IMMP2L: variants seen among roughly 807,000 people sequenced by gnomAD.
IMMP2L encodes inner mitochondrial membrane peptidase subunit 2.
Under a neutral mutation model 19.3 loss-of-function variants are expected in IMMP2L, and 18 were observed. That is an observed-to-expected ratio of 0.93 (90% CI 0.64 to 1.38). The LOEUF (loss-of-function observed/expected upper bound fraction) is 1.38. IMMP2L is among the 40% of genes most tolerant of loss of function. The pLI, the probability that IMMP2L is intolerant of heterozygous loss-of-function variation, is 0.00. For missense variants in IMMP2L, 233 were observed against 218.2 expected (o/e 1.07, Z -0.43); for synonymous variants, 76 against 73.0 (o/e 1.04, Z -0.21).
intron 5 of IMMP2L, among the ~76,000 whole-genome samples, chr7:110,734,331 C>T (rs566816799): frequency 2.5e-4 from 38 of 152,276 alleles, no homozygotes; most frequent in African/African-American, 8.4e-4. Flanking sequence ...GGAGAAACAG[C>T]CATTCTTGTG....
At chr7:110,939,284 A>G (rs1406511747) in intron 4 of IMMP2L, among the ~76,000 whole-genome samples, 1 of 151,754 alleles carries the variant, frequency 6.6e-6, no homozygotes, top group Admixed American at 6.6e-5. Flanking sequence ...GGTGTTTCCA[A>G]TTAAGTTGTT....
chr7:110,943,825 G>A (rs529643997), intron 4 of IMMP2L, among the ~76,000 whole-genome samples: 6 of 152,080 alleles, frequency 3.9e-5, no homozygotes, highest in Non-Finnish European at 7.4e-5. Context: ...GCTATGCAGG[G>A]ACAATCCCTG....
chr7:110,846,366 T>TTGTTG (rs57345040), intron 5 of IMMP2L, among the ~76,000 whole-genome samples: 2 of 113,172 alleles, frequency 1.8e-5, no homozygotes, highest in African/African-American at 7.0e-5. Context: ...TTTTTTTTTT[T>TTGTTG]TTGTTGTTGT....
chr7:111,273,414 AAGG>A (rs1818688907), intron 3 of IMMP2L, among the ~76,000 whole-genome samples: 1 of 152,138 alleles, frequency 6.6e-6, no homozygotes, highest in Non-Finnish European at 1.5e-5. Context: ...TTGACATAAT[AAGG>A]AGGTTACCAT....
intron 3 of IMMP2L, among the ~76,000 whole-genome samples, chr7:111,253,558 G>A (rs1816376491): frequency 6.6e-6 from 1 of 152,176 alleles, no homozygotes; most frequent in South Asian, 2.1e-4. Context: ...AAAGTCTTGA[G>A]AGGGAGGCAA....
chr7:110,749,233 C>T (rs185595294), intron 5 of IMMP2L, among the ~76,000 whole-genome samples: 127 of 151,924 alleles, frequency 8.4e-4, no homozygotes, highest in Non-Finnish European at 1.5e-3. Context: ...AATCATTAAA[C>T]AGTCAGGAAC....
chr7:111,350,553 A>G (rs1828049604), intron 3 of IMMP2L, among the ~76,000 whole-genome samples: 1 of 152,026 alleles, frequency 6.6e-6, no homozygotes, highest in African/African-American at 2.4e-5. Flanking sequence ...TATAATAATT[A>G]TCTGCATTTT....
At chr7:110,925,952 C>T (rs893217395) in intron 4 of IMMP2L, among the ~76,000 whole-genome samples, 1 of 152,004 alleles carries the variant, frequency 6.6e-6, no homozygotes, top group Non-Finnish European at 1.5e-5. Context: ...ATCTTACTCA[C>T]TATATTCATA....
chr7:110,790,361 T>C (rs1175604503), intron 5 of IMMP2L, among the ~76,000 whole-genome samples: 3 of 151,732 alleles, frequency 2.0e-5, no homozygotes, highest in Non-Finnish European at 2.9e-5. Context: ...TTTGATGTGA[T>C]CTGAGTGGCA....
chr7:111,030,734 AC>A (rs1158425331), intron 3 of IMMP2L, among the ~76,000 whole-genome samples: 9 of 152,144 alleles, frequency 5.9e-5, no homozygotes, highest in Admixed American at 5.2e-4. Flanking sequence ...TATTTACTAT[AC>A]TTTAGAGCAA....
At chr7:110,668,885 G>C (rs1406966448) in intron 5 of IMMP2L, among the ~76,000 whole-genome samples, 1 of 151,746 alleles carries the variant, frequency 6.6e-6, no homozygotes, top group East Asian at 1.9e-4. Flanking sequence ...CTATAGGCAG[G>C]CAAAGAGTAT....
chr7:111,405,942 T>C (rs975151390), intron 3 of IMMP2L, among the ~76,000 whole-genome samples: 3 of 152,102 alleles, frequency 2.0e-5, no homozygotes, highest in South Asian at 2.1e-4. Context: ...AAGGACTAGA[T>C]AGTGCTTCTG....
intron 1 of IMMP2L, among the ~76,000 whole-genome samples, chr7:111,556,546 C>A (rs1292169478): frequency 6.6e-6 from 1 of 152,076 alleles, no homozygotes; most frequent in Non-Finnish European, 1.5e-5. Flanking sequence ...CCTATTCAGT[C>A]CTTTACCCAC....
chr7:110,823,489 C>A (rs996702801), intron 5 of IMMP2L, among the ~76,000 whole-genome samples: 1 of 151,776 alleles, frequency 6.6e-6, no homozygotes, highest in Non-Finnish European at 1.5e-5. Flanking sequence ...TTAAAGATGG[C>A]AAATTCCATC....
At chr7:111,057,322 A>G (rs921497905) in intron 3 of IMMP2L, among the ~76,000 whole-genome samples, 8 of 152,128 alleles carry the variant, frequency 5.3e-5, no homozygotes, top group Admixed American at 3.3e-4. Context: ...GACTGCTTTG[A>G]GTTAATCATC....
Position 111,521,293 on chromosome 7 carries a change from C to T in IMMP2L, c.135+20G>A, listed in dbSNP as rs200510289. 117 of 1,603,918 alleles carry T rather than the reference C, an allele frequency of 7.3e-5. 1 individual carries two copies. Among genetic ancestry groups the T allele is most frequent in the Admixed American group, 3.1e-4 (18 of 58,040 alleles). ...ACAATGAAGTATGTGCTTTAAAGAA[C>T]GAAGTTATATCATTTTCACCTGCAT... On this transcript the variant is annotated intron_variant, in intron 2 of 5. Coordinates refer to ENST00000405709, the MANE Select transcript of IMMP2L (RefSeq NM_032549.4).
chr7:111,539,250 GAAAGAAAGAAAGAAAGAAAGA>G lies in IMMP2L; in HGVS notation c.-2-17822_-2-17802del, dbSNP rs1563331386. ...AGAAAGAAAGAAAGAAAGAAAGAAA[GAAAGAAAGAAAGAAAGAAAGA>G]GAACATACGTCGATTACTACATATA... On this transcript the variant is annotated intron_variant, in intron 1 of 5. Transcript: ENST00000405709. 8.4e-4 allele frequency among the ~76,000 whole-genome samples: 121 copies of G among 143,764 alleles called. 2 individuals carry two copies. Among genetic ancestry groups the G allele is most frequent in the Middle Eastern group, 3.7e-3 (1 of 270 alleles). 94.3% of individuals were successfully genotyped at this position (143,764 alleles called of 152,430 possible).
At chr7:111,090,952 G>A (rs1255220333) in intron 3 of IMMP2L, 1 of 152,164 alleles carries the variant, frequency 6.6e-6, no homozygotes, top group Non-Finnish European at 1.5e-5. Context: ...AAACATGCAA[G>A]CCTGTTTCAT....
intron 5 of IMMP2L, among the ~76,000 whole-genome samples, chr7:110,815,881 C>A (rs570557260): frequency 2.0e-5 from 3 of 151,894 alleles, no homozygotes; most frequent in Admixed American, 6.6e-5. Context: ...GTCTTGCTAG[C>A]GGTCTATCAA....
Sources: gnomAD v4.1 joint callset for allele counts (sites outside exome capture counted in the v4.1 genomes callset) on GRCh38, gnomAD v4.1.1 for gene constraint, MANE v1.5 for transcripts, NCBI Gene and HGNC (gene_info 2026-07-23, HGNC 2026-07-21) for gene names.